Variants in PDE11A observed in about 807,000 individuals in gnomAD.
The protein encoded by PDE11A is phosphodiesterase 11A.
In PDE11A, 100 loss-of-function variants were observed where a neutral mutation model predicts 100.5. The observed-to-expected ratio is 1.00, with a 90% CI of 0.85 to 1.18. The LOEUF (loss-of-function observed/expected upper bound fraction) is 1.18, where lower values mean the gene tolerates loss of function less well. Ranked by LOEUF, PDE11A falls within the 50% of genes most tolerant of loss-of-function variation. PDE11A has a pLI of 0.00. For missense variants in PDE11A, 1,141 were observed against 1,152.6 expected (o/e 0.99, Z 0.15); for synonymous variants, 381 against 420.8 (o/e 0.91, Z 1.16).
rs145074863 is a variant in PDE11A, at chr2:177,630,452, A to G, written c.2647-890T>C. ...GCAAATGAGTCCATCTTCAGCTTTCATATCAGAGGGCTTCTCCAAGATAGG... is the reference window on the plus strand; with the variant it reads ...GCAAATGAGTCCATCTTCAGCTTTCGTATCAGAGGGCTTCTCCAAGATAGG... On this transcript the variant is annotated intron_variant, in intron 19 of 19. Transcript: ENST00000286063. Among the ~76,000 whole-genome samples, 282 of 152,294 alleles carry G rather than the reference A, an allele frequency of 1.9e-3. 2 individuals carry two copies. Among genetic ancestry groups the G allele is most frequent in the African/African-American group, 5.8e-3 (242 of 41,568 alleles).
chr2:177,890,555 G>GAAAA (rs2084514030), intron 4 of PDE11A, among the ~76,000 whole-genome samples: 1 of 152,194 alleles, frequency 6.6e-6, no homozygotes, highest in South Asian at 2.1e-4. Context: ...GAAGTGGAGT[G>GAAAA]ATGACTTGTG....
chr2:177,820,110 A>G, intron 7 of PDE11A, 110 bp downstream of exon 7: 1 of 675,864 alleles, frequency 1.5e-6, no homozygotes, highest in Non-Finnish European at 2.7e-6. Context: ...ACATAGTTTG[A>G]TGAGTCCTGG....
chr2:177,697,402 TG>T lies in PDE11A; in HGVS notation c.2274del (p.Lys759ArgfsTer10). On this transcript the variant is annotated frameshift_variant, in exon 15 of 20. Coordinates refer to ENST00000286063, the MANE Select transcript of PDE11A (RefSeq NM_016953.4). LOFTEE classifies it high-confidence loss of function. Reference protein sequence around the residue: ...EGHNIFANLSSKEYSDLMQLL... With the variant: ...EGHNIFANLSXKEYSDLMQLL... Reference sequence around the variant, plus strand: ...AGCTGCATAAGGTCACTATATTCCTTGGAGGACAGGTTAGCAAAGATATTGT... The same window carrying T: ...AGCTGCATAAGGTCACTATATTCCTTGAGGACAGGTTAGCAAAGATATTGT... The T allele has an allele frequency of 6.3e-7, 1 of 1,593,484 alleles. No homozygotes were observed. The highest frequency in any genetic ancestry group is 8.6e-7 in the Non-Finnish European group (1 of 1,161,372).
intron 1 of PDE11A, among the ~76,000 whole-genome samples, chr2:178,059,295 G>A (rs921244829): frequency 6.6e-6 from 1 of 152,200 alleles, no homozygotes; most frequent in African/African-American, 2.4e-5. Context: ...CAGTGTCCCT[G>A]GGTAGGGAAA....
chr2:177,945,618 C>G (rs2085405247), intron 2 of PDE11A, among the ~76,000 whole-genome samples: 1 of 151,104 alleles, frequency 6.6e-6, no homozygotes, highest in Admixed American at 6.6e-5. Context: ...AGCCCCTCCG[C>G]CCGGCAGCCG....
rs553779161 is a variant in PDE11A at position 177,788,212 on chromosome 2, C to T, written c.1738-18839G>A. On this transcript the variant is annotated intron_variant, in intron 9 of 19. Transcript: ENST00000286063. ...TCTCTCAGACCACAGTGCAATCAAACTAGAACTCAGGATTAAGAAACTCAC... is the reference window on the plus strand; with the variant it reads ...TCTCTCAGACCACAGTGCAATCAAATTAGAACTCAGGATTAAGAAACTCAC... 1.7e-4 allele frequency among the ~76,000 whole-genome samples: 26 copies of T among 151,558 alleles called. No individual in the cohort carries two copies. The East Asian group carries it at 4.6e-3, about 27-fold the overall frequency.
intron 6 of PDE11A, among the ~76,000 whole-genome samples, chr2:177,836,610 T>C (rs144205487): frequency 0.01 from 1,555 of 152,330 alleles, 30 homozygotes; most frequent in African/African-American, 0.034. Context: ...TACCCCAGTG[T>C]GGAAGCTTTG....
intron 9 of PDE11A, among the ~76,000 whole-genome samples, chr2:177,786,405 G>A (rs1476618444): frequency 6.6e-6 from 1 of 151,804 alleles, no homozygotes; most frequent in Non-Finnish European, 1.5e-5. Context: ...CATCATCAAA[G>A]ACCAAAAGTA....
chr2:177,946,107 G>C (rs1423509437), intron 2 of PDE11A, among the ~76,000 whole-genome samples: 1 of 116,628 alleles, frequency 8.6e-6, no homozygotes, highest in Non-Finnish European at 1.8e-5. Flanking sequence ...AGGTGGGGGG[G>C]GGTCAGCCCT....
chr2:178,066,636 T>C (rs1011673156), intron 1 of PDE11A, among the ~76,000 whole-genome samples: 3 of 152,100 alleles, frequency 2.0e-5, no homozygotes, highest in African/African-American at 7.2e-5. Flanking sequence ...ATGTCTGCCA[T>C]TGCACTCTGC....
At chr2:177,887,690 G>C (rs757266232) in intron 4 of PDE11A, among the ~76,000 whole-genome samples, 1 of 152,110 alleles carries the variant, frequency 6.6e-6, no homozygotes, top group Non-Finnish European at 1.5e-5. Context: ...GGACGTCAAG[G>C]CTGCAGTGAG....
intron 5 of PDE11A, among the ~76,000 whole-genome samples, chr2:177,845,211 G>A (rs1221771304): frequency 6.0e-5 from 9 of 150,078 alleles, no homozygotes; most frequent in African/African-American, 1.5e-4. Flanking sequence ...GCTGCCGGGC[G>A]GAGACGCTCC....
chr2:177,834,792 ACCC>A (rs1417043377), intron 6 of PDE11A, among the ~76,000 whole-genome samples: 2 of 151,714 alleles, frequency 1.3e-5, no homozygotes, highest in Non-Finnish European at 2.9e-5. Flanking sequence ...CCTTTTCTCC[ACCC>A]TGTAGGCAGT....
At chr2:178,024,628 A>G (rs919110569) in intron 1 of PDE11A, among the ~76,000 whole-genome samples, 4 of 152,216 alleles carry the variant, frequency 2.6e-5, no homozygotes, top group Middle Eastern at 3.2e-3. Context: ...CTCATATTTC[A>G]TCTACATCCT....
intron 6 of PDE11A, among the ~76,000 whole-genome samples, chr2:177,839,317 A>C (rs751916933): frequency 2.0e-5 from 3 of 152,174 alleles, no homozygotes; most frequent in Non-Finnish European, 4.4e-5. Context: ...AATGGGAATG[A>C]TGACATCTAC....
chr2:177,647,763 AT>A (rs1209575451), intron 19 of PDE11A, among the ~76,000 whole-genome samples: 2 of 152,104 alleles, frequency 1.3e-5, no homozygotes, highest in Non-Finnish European at 2.9e-5. Context: ...AAAATCCTTT[AT>A]TATGTTGGTG....
At chr2:177,983,030 C>T (rs1012871207) in intron 2 of PDE11A, among the ~76,000 whole-genome samples, 1 of 150,548 alleles carries the variant, frequency 6.6e-6, no homozygotes, top group Admixed American at 6.6e-5. Flanking sequence ...GACCTGAGAT[C>T]GCGCCATTAC....
chr2:178,010,691 G>A (rs13006992), intron 2 of PDE11A, among the ~76,000 whole-genome samples: 2 of 152,068 alleles, frequency 1.3e-5, no homozygotes, highest in African/African-American at 2.4e-5. Context: ...CTAAGCAATC[G>A]AGGCTCTGTA....
At chr2:178,001,945 T>C (rs545145404) in intron 2 of PDE11A, among the ~76,000 whole-genome samples, 2 of 152,292 alleles carry the variant, frequency 1.3e-5, no homozygotes, top group African/African-American at 4.8e-5. Flanking sequence ...GATTTGAGTA[T>C]ATAGGTGAGG....
Sources: allele counts gnomAD v4.1 joint callset (sites outside exome capture counted in the v4.1 genomes callset), GRCh38; gene constraint gnomAD v4.1.1; transcripts MANE v1.5; gene names NCBI Gene and HGNC (gene_info 2026-07-23, HGNC 2026-07-21).